HHATL: variants seen among roughly 807,000 people sequenced by gnomAD.
HHATL encodes the protein protein-cysteine N-palmitoyltransferase HHAT-like protein.
Under a neutral mutation model 59.7 loss-of-function variants are expected in HHATL, and 49 were observed. The ratio of observed to expected loss-of-function variants is 0.82; its 90% CI spans 0.65 to 1.04. The LOEUF (loss-of-function observed/expected upper bound fraction) is 1.04. Among genes scored for constraint, HHATL ranks in the 50% least tolerant of loss-of-function variants. The pLI is 0.00. For synonymous variants in HHATL, 238 were observed against 257.3 expected (o/e 0.93, Z 0.72); for missense variants, 605 against 650.8 (o/e 0.93, Z 0.77).
intron 6 of HHATL, 136 bp downstream of exon 6, chr3:42,698,006 G>A (rs1023816201): frequency 5.3e-6 from 5 of 938,750 alleles, no homozygotes; most frequent in Admixed American, 4.2e-5. Context: ...GGAGGGAGGG[G>A]AGACACGGCT....
chr3:42,697,870 T>G (rs1697708699), intron 6 of HHATL, among the ~76,000 whole-genome samples, 191 bp from the exon 7 acceptor site: 1 of 152,134 alleles, frequency 6.6e-6, no homozygotes, highest in Non-Finnish European at 1.5e-5. Context: ...CCCAGTTCTG[T>G]CCTGGGAGCC....
intron 10 of HHATL, 28 bp from the exon 11 acceptor site, chr3:42,693,246 C>T (rs376754935): frequency 6.5e-5 from 104 of 1,610,420 alleles, no homozygotes; most frequent in Admixed American, 2.0e-4. Context: ...GCATGGGCAG[C>T]GGGACAAGAG....
In HHATL at chr3:42,701,927, C is replaced by T. The variant is rs1429062687; in HGVS notation, c.-14+652G>A. Among the ~76,000 whole-genome samples the T allele has an allele frequency of 6.6e-6, 1 of 152,226 alleles. No homozygotes were observed. The highest frequency in any genetic ancestry group is 1.5e-5 in the Non-Finnish European group (1 of 68,044). On this transcript the variant is annotated intron_variant, in intron 1 of 11. Coordinates refer to ENST00000441594, the MANE Select transcript of HHATL (RefSeq NM_020707.4). The surrounding 1 kb of genome is among the most constrained non-coding windows in gnomAD (Gnocchi z 5.1). ...CTCCCCTAAATCTTCATCCCCAGCC[C>T]TGTAGCCATCTCCCCTGGGCCCCCC...
intron 7 of HHATL, 49 bp downstream of exon 7, chr3:42,697,459 G>A (rs1559622173): frequency 6.3e-7 from 1 of 1,579,868 alleles, no homozygotes; most frequent in Non-Finnish European, 8.6e-7. Flanking sequence ...CAGAGGGTCT[G>A]TTTTCCTGGG....
chr3:42,696,901 A>C, intron 8 of HHATL, 24 bp from the exon 9 acceptor site: 1 of 1,614,170 alleles, frequency 6.2e-7, no homozygotes, highest in Non-Finnish European at 8.5e-7. Context: ...GCAGATGGGC[A>C]TGTTGCCATC....
intron 9 of HHATL, among the ~76,000 whole-genome samples, chr3:42,696,004 G>A (rs903470991): frequency 1.3e-5 from 2 of 152,124 alleles, no homozygotes; most frequent in South Asian, 4.2e-4. Context: ...CTTCTTCCAG[G>A]AGTCATCACA....
rs200803828 is a variant in HHATL, at chr3:42,696,850, C to A, written c.1038G>T (p.Trp346Cys). ...ETHFDRGIND[W>C]LCKYVYNHIG... is the part of the protein sequence containing the mutation. ...ACCCCACTCCTACTCACTTGCAAAG[C>A]CAGTCGTTGATGCCACGGTCAAAGT... is the stretch of plus-strand genomic sequence containing the variant. The change falls in exon 9 of 12, where the codon TGG (tryptophan) becomes TGT (cysteine). Residue 346 changes from tryptophan (W) to cysteine (C), a missense_variant. By Grantham distance (215) the Trp-to-Cys change is radical. Coordinates refer to ENST00000441594, the MANE Select transcript of HHATL (RefSeq NM_020707.4). 91 of 1,614,106 alleles carry A rather than the reference C, an allele frequency of 5.6e-5. No homozygotes were observed. In the East Asian group the frequency reaches 1.8e-3, roughly 32 times the overall value.
At chr3:42,693,287 A>G in intron 10 of HHATL, 69 bp from the exon 11 acceptor site, 1 of 1,576,392 alleles carries the variant, frequency 6.3e-7, no homozygotes, top group Middle Eastern at 1.7e-4. Flanking sequence ...GTGGGTCAGC[A>G]GCCTTACCCA....
In HHATL at chr3:42,693,783, G is replaced by A. The variant is rs767747152; in HGVS notation, c.1082C>T (p.Ala361Val). ...TGTGGCTGCCAGCTCTGGGATCACAGCGGAATGCTCCCCACCAATGTGGTT... is the reference window on the plus strand; with the variant it reads ...TGTGGCTGCCAGCTCTGGGATCACAACGGAATGCTCCCCACCAATGTGGTT... ...VYNHIGGEHS[A>V]VIPELAATVA... Residue 361 changes from alanine to valine, a missense_variant, in exon 10 of 12, where the codon GCT becomes GTT. Ala to Val is a moderately conservative substitution (Grantham distance 64). Coordinates refer to ENST00000441594, the MANE Select transcript of HHATL (RefSeq NM_020707.4). The A allele has an allele frequency of 4.3e-5, 70 of 1,613,918 alleles. No individual in the cohort carries two copies. The highest frequency in any genetic ancestry group is 5.0e-5 in the Non-Finnish European group (59 of 1,180,018).
intron 2 of HHATL, among the ~76,000 whole-genome samples, chr3:42,700,242 GTCTC>G (rs1189396483): frequency 2.1e-5 from 3 of 142,006 alleles, no homozygotes; most frequent in African/African-American, 7.9e-5. Context: ...CTGCATCCAG[GTCTC>G]TCTCTGTGTG....
At chr3:42,695,412 C>T (rs1215899129) in intron 9 of HHATL, among the ~76,000 whole-genome samples, 2 of 152,226 alleles carry the variant, frequency 1.3e-5, no homozygotes, top group African/African-American at 4.8e-5. Flanking sequence ...TCCTCAGCTA[C>T]ACCCAGGCAG....
At chr3:42,697,215 CA>C (rs1697665840) in intron 7 of HHATL, 70 bp from the exon 8 acceptor site, 1 of 1,492,812 alleles carries the variant, frequency 6.7e-7, no homozygotes. Context: ...GACCCTGTCC[CA>C]CCACTTCCTT....
chr3:42,699,786 G>C lies in HHATL; in HGVS notation c.146C>G (p.Pro49Arg). The change falls in exon 3 of 12, where the codon CCT becomes CGT. Residue 49 changes from proline to arginine, a missense_variant. Coordinates refer to ENST00000441594, the MANE Select transcript of HHATL (RefSeq NM_020707.4). ...HRKAFRESVR[P>R]GWEYIGRKMD... ...CTTCCGGCCAATGTACTCCCAGCCA[G>C]GTCGCACAGACTCCCGGAAGGCCTT... is the stretch of plus-strand genomic sequence containing the variant. 6.3e-7 allele frequency: 1 copy of C among 1,579,610 alleles called. No individual in the cohort carries two copies. Among genetic ancestry groups the C allele is most frequent in the Non-Finnish European group, 8.6e-7 (1 of 1,161,990 alleles).
Position 42,698,935 on chromosome 3 carries a change from T to C in HHATL, c.289-33A>G, listed in dbSNP as rs751631169. ...CAGGGAGAAGGCTTCAGTTTCGCCA[T>C]ATAAATGGGGGCGTGACCCCAGGAG... On this transcript the variant is annotated intron_variant, in intron 4 of 11. Transcript: ENST00000441594. 20 of 1,605,094 alleles carry C rather than the reference T, an allele frequency of 1.2e-5. No homozygotes were observed. In the African/African-American group the frequency reaches 2.0e-4, roughly 16 times the overall value.
At position 42,701,129 on chromosome 3, in the gene HHATL, T is replaced by G; in HGVS notation, c.-13-290A>C. ...TCCCTCACCTTCATTTACATCTTCATACCTTCCAGAGGCACCGGCCCCACC... is the reference window on the plus strand; with the variant it reads ...TCCCTCACCTTCATTTACATCTTCAGACCTTCCAGAGGCACCGGCCCCACC... On this transcript the variant is annotated intron_variant, in intron 1 of 11. Coordinates refer to ENST00000441594, the MANE Select transcript of HHATL (RefSeq NM_020707.4). This position sits in a 1 kb window ranked among gnomAD's most constrained non-coding sequence, Gnocchi z 5.1. The G allele has an allele frequency of 1.3e-5, 5 of 381,734 alleles. No individual in the cohort carries two copies. Among genetic ancestry groups the G allele is most frequent in the Non-Finnish European group, 1.5e-5 (3 of 205,936 alleles). 23.6% of individuals were successfully genotyped at this position (381,734 alleles called of 1,614,324 possible).
At chr3:42,696,511 C>G (rs1341765622) in intron 9 of HHATL, among the ~76,000 whole-genome samples, 2 of 152,162 alleles carry the variant, frequency 1.3e-5, no homozygotes, top group Non-Finnish European at 2.9e-5. Context: ...CTGAAGCCCT[C>G]TCTGGAAACT....
intron 1 of HHATL, among the ~76,000 whole-genome samples, chr3:42,702,356 C>A (rs1315873663): frequency 1.3e-5 from 2 of 152,260 alleles, no homozygotes; most frequent in Non-Finnish European, 2.9e-5. Context: ...CCCAGTGAGG[C>A]CTCTGCAAGG....
Position 42,699,740 on chromosome 3 carries a change from G to A in HHATL, c.174+18C>T. The A allele has an allele frequency of 1.3e-6, 2 of 1,570,146 alleles. No homozygotes were observed. The highest frequency in any genetic ancestry group is 1.7e-6 in the Non-Finnish European group (2 of 1,155,838). On this transcript the variant is annotated intron_variant, in intron 3 of 11. Coordinates refer to ENST00000441594, the MANE Select transcript of HHATL (RefSeq NM_020707.4). ...AAGGGTTCGGGATGGGAGGGACCCTGGGATGTGGGGGACCTACCATCTTCC... is the reference window on the plus strand; with the variant it reads ...AAGGGTTCGGGATGGGAGGGACCCTAGGATGTGGGGGACCTACCATCTTCC...
intron 6 of HHATL, 85 bp downstream of exon 6, chr3:42,698,057 T>C (rs1157210230): frequency 7.3e-6 from 10 of 1,363,538 alleles, no homozygotes; most frequent in Admixed American, 1.7e-5. Context: ...TACAGCCTGC[T>C]TGGGGAATTC....
Sources: gnomAD v4.1 joint callset for allele counts (sites outside exome capture counted in the v4.1 genomes callset) on GRCh38, gnomAD v4.1.1 for gene constraint, Gnocchi (gnomAD v3.1) non-coding constraint, MANE v1.5 for transcripts, NCBI Gene and HGNC (gene_info 2026-07-23, HGNC 2026-07-21) for gene names.